Variants in CHST8 observed in about 807,000 individuals in gnomAD.
CHST8 encodes the protein carbohydrate sulfotransferase 8.
A neutral mutation model predicts 15.0 loss-of-function variants in CHST8; 10 were observed. The ratio of observed to expected loss-of-function variants is 0.67; its 90% confidence interval spans 0.41 to 1.13. The LOEUF (loss-of-function observed/expected upper bound fraction) is 1.13. CHST8 is among the 50% of genes most tolerant of loss of function. The pLI is 0.00. For missense variants in CHST8, 634 were observed against 608.2 expected (o/e 1.04, Z -0.45); for synonymous variants, 259 against 256.6 (o/e 1.01, Z -0.09).
At chr19:33,668,972 G>T (rs566938625) in intron 2 of CHST8, among the ~76,000 whole-genome samples, 1 of 152,264 alleles carries the variant, frequency 6.6e-6, no homozygotes, top group South Asian at 2.1e-4. Context: ...AAATGGGTCC[G>T]TGAGCCTCGG....
chr19:33,639,989 G>A (rs552122754), intron 1 of CHST8, among the ~76,000 whole-genome samples: 8 of 152,042 alleles, frequency 5.3e-5, no homozygotes, highest in Admixed American at 3.3e-4. Context: ...ACAGGCATGC[G>A]CCACCATGCC....
intron 1 of CHST8, among the ~76,000 whole-genome samples, chr19:33,623,468 G>A (rs1374032435): frequency 1.3e-5 from 2 of 152,246 alleles, no homozygotes; most frequent in Non-Finnish European, 2.9e-5. Context: ...GGAGGTAGTA[G>A]CTGCTTTGGA....
At chr19:33,703,548 G>T (rs759722148) in intron 3 of CHST8, among the ~76,000 whole-genome samples, 1 of 152,220 alleles carries the variant, frequency 6.6e-6, no homozygotes, top group African/African-American at 2.4e-5. Flanking sequence ...AGGGGCGGGC[G>T]CGGGCCCACA....
intron 1 of CHST8, among the ~76,000 whole-genome samples, chr19:33,638,535 G>C (rs950605691): frequency 1.3e-5 from 2 of 152,150 alleles, no homozygotes; most frequent in Non-Finnish European, 2.9e-5. Context: ...CGGCCACAGT[G>C]CACAACAGCC....
chr19:33,624,837 G>A (rs1049909937), intron 1 of CHST8, among the ~76,000 whole-genome samples: 9 of 152,300 alleles, frequency 5.9e-5, no homozygotes, highest in South Asian at 2.1e-4. Context: ...TAGTGAGTGC[G>A]GCTGTGCTTG....
chr19:33,710,497 T>C lies in CHST8; in HGVS notation c.130+21106T>C, dbSNP rs181911527. On this transcript the variant is annotated intron_variant, in intron 3 of 4. Transcript: ENST00000650847. ...TAGGCTATTGATTTGAGATTCTTCT[T>C]TTCTAATATAGACATTACTGCTATA... 3.2e-3 allele frequency among the ~76,000 whole-genome samples: 488 copies of C among 152,352 alleles called. 4 individuals carry two copies. Among genetic ancestry groups the C allele is most frequent in the African/African-American group, 0.011 (472 of 41,580 alleles).
rs79887991 is a variant in CHST8, at chr19:33,748,266, A to G, written c.131-23147A>G. The stretch of plus-strand genomic sequence containing the variant: ...TCAGGGACCCTCCACATCCCCCATT[A>G]TCATCTCCACTCTCCAAGGGCAGAA... On this transcript the variant is annotated intron_variant, in intron 3 of 4. Transcript: ENST00000650847. Among the ~76,000 whole-genome samples, 1,285 of 152,288 alleles carry G rather than the reference A, an allele frequency of 8.4e-3. 16 individuals are homozygous for G. The highest frequency in any genetic ancestry group is 0.029 in the African/African-American group (1,216 of 41,554).
intron 1 of CHST8, among the ~76,000 whole-genome samples, chr19:33,632,068 AG>A (rs1972128876): frequency 6.6e-6 from 1 of 151,682 alleles, no homozygotes; most frequent in Non-Finnish European, 1.5e-5. Context: ...ACAGAGGCTT[AG>A]GGGGCAGGCA....
At chr19:33,678,226 C>T (rs1191260063) in intron 2 of CHST8, among the ~76,000 whole-genome samples, 1 of 152,168 alleles carries the variant, frequency 6.6e-6, no homozygotes, top group South Asian at 2.1e-4. Flanking sequence ...GAGGCAGAGA[C>T]TAATGGAGAA....
intron 1 of CHST8, among the ~76,000 whole-genome samples, chr19:33,660,317 G>A (rs1972570570): frequency 6.6e-6 from 1 of 152,084 alleles, no homozygotes; most frequent in Non-Finnish European, 1.5e-5. Flanking sequence ...CCAGCCTCAC[G>A]CTTACTGGAG....
At chr19:33,745,750 G>A (rs1319542441) in intron 3 of CHST8, among the ~76,000 whole-genome samples, 4 of 152,146 alleles carry the variant, frequency 2.6e-5, no homozygotes, top group Non-Finnish European at 5.9e-5. Flanking sequence ...CAAGGGGGCT[G>A]TGCCTTTATA....
chr19:33,635,109 A>G (rs1972176049), intron 1 of CHST8, among the ~76,000 whole-genome samples: 1 of 152,174 alleles, frequency 6.6e-6, no homozygotes, highest in African/African-American at 2.4e-5. Flanking sequence ...CGAAAAGAAC[A>G]GCAATCCATC....
intron 4 of CHST8, among the ~76,000 whole-genome samples, 195 bp from the exon 5 acceptor site, chr19:33,771,762 C>T (rs2045929825): frequency 6.6e-6 from 1 of 152,120 alleles, no homozygotes; most frequent in South Asian, 2.1e-4. Context: ...CGAAATGACA[C>T]TTACACCTCA....
At chr19:33,723,231 A>G (rs1475543869) in intron 3 of CHST8, among the ~76,000 whole-genome samples, 3 of 152,064 alleles carry the variant, frequency 2.0e-5, no homozygotes, top group African/African-American at 7.3e-5. Context: ...TGTGTATCTG[A>G]GTATTTGTTT....
chr19:33,704,811 G>A (rs553530333), intron 3 of CHST8, among the ~76,000 whole-genome samples: 18 of 151,870 alleles, frequency 1.2e-4, no homozygotes, highest in African/African-American at 3.4e-4. Context: ...TTAGGAGGCC[G>A]AGGCAGGAGA....
At chr19:33,626,686 G>C (rs1298369848) in intron 1 of CHST8, among the ~76,000 whole-genome samples, 4 of 152,036 alleles carry the variant, frequency 2.6e-5, no homozygotes, top group Non-Finnish European at 5.9e-5. Context: ...TCCATTTTAA[G>C]TGGAAGGGCA....
intron 1 of CHST8, among the ~76,000 whole-genome samples, chr19:33,632,671 C>A (rs1212158125): frequency 2.0e-5 from 3 of 152,262 alleles, no homozygotes; most frequent in Middle Eastern, 3.4e-3. Context: ...AGAACCCCCC[C>A]ATGACCTCTT....
At chr19:33,727,952 C>G (rs1973932758) in intron 3 of CHST8, among the ~76,000 whole-genome samples, 1 of 152,246 alleles carries the variant, frequency 6.6e-6, no homozygotes, top group South Asian at 2.1e-4. Context: ...AGCCCCGGCC[C>G]ACACTCCCAA....
At chr19:33,713,944 C>A (rs557431555) in intron 3 of CHST8, among the ~76,000 whole-genome samples, 1 of 152,268 alleles carries the variant, frequency 6.6e-6, no homozygotes, top group South Asian at 2.1e-4. Context: ...GGGGCAAGAA[C>A]AGCCAGAACA....
Sources: allele counts gnomAD v4.1 joint callset (sites outside exome capture counted in the v4.1 genomes callset), GRCh38; gene constraint gnomAD v4.1.1; transcripts MANE v1.5; gene names NCBI Gene and HGNC (gene_info 2026-07-23, HGNC 2026-07-21).